CSNK2A2IP: variants seen among roughly 807,000 people sequenced by gnomAD.
The protein encoded by CSNK2A2IP is casein kinase 2 subunit alpha' interacting protein.
the CSNK2A2IP span, chr3:88,467,247 C>T: frequency 2.0e-5 from 8 of 401,418 alleles, no homozygotes; most frequent in Admixed American, 4.4e-5. Context: ...CCTCTGTTGC[C>T]TCTGCCTCTT....
the CSNK2A2IP span, among the ~76,000 whole-genome samples, chr3:88,344,724 T>A: frequency 6.6e-6 from 1 of 151,914 alleles, no homozygotes; most frequent in African/African-American, 2.4e-5. Flanking sequence ...ACATATTTAT[T>A]GTAATAAACT....
the CSNK2A2IP span, among the ~76,000 whole-genome samples, chr3:88,439,779 C>T: frequency 6.6e-6 from 1 of 150,706 alleles, no homozygotes; most frequent in East Asian, 1.9e-4. Flanking sequence ...TTATCTCTAC[C>T]AATAATTGCA....
the CSNK2A2IP span, among the ~76,000 whole-genome samples, chr3:88,440,909 T>C: frequency 6.6e-6 from 1 of 152,116 alleles, no homozygotes; most frequent in African/African-American, 2.4e-5. Context: ...TCTGTTTTAA[T>C]GCCATTATTA....
chr3:88,365,435 G>A, the CSNK2A2IP span, among the ~76,000 whole-genome samples: 1 of 152,134 alleles, frequency 6.6e-6, no homozygotes, highest in Non-Finnish European at 1.5e-5. Context: ...TATTGAATGA[G>A]TTTCTTTGGG....
At chr3:88,346,142 C>T in the CSNK2A2IP span, among the ~76,000 whole-genome samples, 1 of 151,972 alleles carries the variant, frequency 6.6e-6, no homozygotes, top group South Asian at 2.1e-4. Context: ...CTCTTCAATT[C>T]TACGAAGGCT....
chr3:88,392,109 A>G, the CSNK2A2IP span, among the ~76,000 whole-genome samples: 1 of 152,228 alleles, frequency 6.6e-6, no homozygotes, highest in Non-Finnish European at 1.5e-5. Context: ...AGCTAGGAAC[A>G]TGCCCCAGAT....
chr3:88,432,077 TG>T, the CSNK2A2IP span, among the ~76,000 whole-genome samples: 1 of 152,046 alleles, frequency 6.6e-6, no homozygotes, highest in Non-Finnish European at 1.5e-5. Context: ...TCTTGTAGTT[TG>T]TTTTTTAGAC....
chr3:88,340,192 G>A, the CSNK2A2IP span, among the ~76,000 whole-genome samples: 1 of 151,792 alleles, frequency 6.6e-6, no homozygotes, highest in African/African-American at 2.4e-5. Flanking sequence ...AAATGGGTAC[G>A]GAGGTGTATA....
the CSNK2A2IP span, among the ~76,000 whole-genome samples, chr3:88,462,887 C>CA: frequency 3.3e-5 from 5 of 151,820 alleles, no homozygotes; most frequent in East Asian, 1.9e-4. Context: ...GGACTAGAAG[C>CA]AAAAAAATTA....
At chr3:88,459,862 T>A in the CSNK2A2IP span, among the ~76,000 whole-genome samples, 2 of 152,098 alleles carry the variant, frequency 1.3e-5, no homozygotes, top group Non-Finnish European at 2.9e-5. Context: ...ACATCATTGT[T>A]TTTTTTAAGA....
chr3:88,465,620 T>C, the CSNK2A2IP span: 1 of 1,231,728 alleles, frequency 8.1e-7, no homozygotes, highest in Non-Finnish European at 1.0e-6. Context: ...GATAGGTTTC[T>C]GAATTCACCA....
At chr3:88,446,082 C>CTTTCTTTCTTTA in the CSNK2A2IP span, among the ~76,000 whole-genome samples, 13 of 99,076 alleles carry the variant, frequency 1.3e-4, no homozygotes, top group African/African-American at 4.9e-4. Context: ...TTCTTTCTTT[C>CTTTCTTTCTTTA]TTTCTTTCTT....
chr3:88,428,028 G>T, the CSNK2A2IP span, among the ~76,000 whole-genome samples: 7 of 152,160 alleles, frequency 4.6e-5, no homozygotes, highest in South Asian at 2.1e-4. Context: ...CAGCCAGAAG[G>T]GGGGCTGTGG....
the CSNK2A2IP span, among the ~76,000 whole-genome samples, chr3:88,365,948 T>A: frequency 6.6e-6 from 1 of 152,176 alleles, no homozygotes; most frequent in Admixed American, 6.5e-5. Context: ...AGGGGGTTAT[T>A]ATTTACTTAA....
the CSNK2A2IP span, among the ~76,000 whole-genome samples, chr3:88,396,383 G>T: frequency 6.6e-6 from 1 of 152,166 alleles, no homozygotes; most frequent in African/African-American, 2.4e-5. Context: ...GGGATTACAG[G>T]CGTGAGCCAC....
chr3:88,402,966 A>T, the CSNK2A2IP span, among the ~76,000 whole-genome samples: 1 of 152,080 alleles, frequency 6.6e-6, no homozygotes, highest in Non-Finnish European at 1.5e-5. Flanking sequence ...GCATATTTTC[A>T]AATTCAAACC....
At chr3:88,463,462 T>A in the CSNK2A2IP span, among the ~76,000 whole-genome samples, 2 of 152,108 alleles carry the variant, frequency 1.3e-5, no homozygotes, top group African/African-American at 4.8e-5. Context: ...CATTTAAAAA[T>A]CGTAAACATC....
chr3:88,384,183 A>G, the CSNK2A2IP span, among the ~76,000 whole-genome samples: 1 of 152,136 alleles, frequency 6.6e-6, no homozygotes, highest in Non-Finnish European at 1.5e-5. Flanking sequence ...ATTACTTTGC[A>G]CAGCAAACCC....
At chr3:88,463,440 G>T in the CSNK2A2IP span, among the ~76,000 whole-genome samples, 2 of 152,164 alleles carry the variant, frequency 1.3e-5, no homozygotes, top group Non-Finnish European at 2.9e-5. Context: ...TTTTTAGGAA[G>T]CTTCTATAGT....
Sources: gnomAD v4.1 joint callset for allele counts (sites outside exome capture counted in the v4.1 genomes callset) on GRCh38, gnomAD v4.1.1 for gene constraint, MANE v1.5 for transcripts, NCBI Gene and HGNC (gene_info 2026-07-23, HGNC 2026-07-21) for gene names.